MAPRE2: variants seen among roughly 807,000 people sequenced by gnomAD.
MAPRE2 encodes microtubule-associated protein RP/EB family member 2.
A neutral mutation model predicts 43.2 loss-of-function variants in MAPRE2; 13 were observed. The observed-to-expected ratio is 0.30, with a 90% CI of 0.20 to 0.48. The LOEUF is 0.48. Ranked by LOEUF, MAPRE2 falls within the 20% of genes least tolerant of loss-of-function variation. The pLI is 0.99. For synonymous variants in MAPRE2, 135 were observed against 148.8 expected, an observed-to-expected ratio of 0.91 and a Z score of 0.68; for missense variants, 161 against 400.2, an observed-to-expected ratio of 0.40 and a Z score of 5.10.
chr18:35,014,587 G>A (rs1007328427), intron 2 of MAPRE2, among the ~76,000 whole-genome samples: 6 of 152,024 alleles, frequency 3.9e-5, no homozygotes, highest in African/African-American at 1.4e-4. Context: ...TGGGTTAAGA[G>A]TTGCAAATTG....
intron 1 of MAPRE2, among the ~76,000 whole-genome samples, chr18:35,004,544 A>G (rs2097030852): frequency 6.6e-6 from 1 of 152,220 alleles, no homozygotes; most frequent in Non-Finnish European, 1.5e-5. Context: ...CCAGAATTGG[A>G]TTTGTCCCTC....
At chr18:35,074,405 A>G (rs1907246345) in intron 2 of MAPRE2, among the ~76,000 whole-genome samples, 1 of 152,164 alleles carries the variant, frequency 6.6e-6, no homozygotes, top group South Asian at 2.1e-4. Flanking sequence ...AAGCTTTAGC[A>G]ACTTTAGATA....
At chr18:35,128,609 G>A (rs983781476) in intron 5 of MAPRE2, among the ~76,000 whole-genome samples, 6 of 152,146 alleles carry the variant, frequency 3.9e-5, no homozygotes, top group African/African-American at 9.7e-5. Context: ...ATGCAAATAC[G>A]ATGCCATCTT....
At chr18:35,011,683 G>A (rs1218334748) in intron 2 of MAPRE2, among the ~76,000 whole-genome samples, 1 of 152,174 alleles carries the variant, frequency 6.6e-6, no homozygotes, top group Non-Finnish European at 1.5e-5. Flanking sequence ...GGCTATAGTG[G>A]TGACAGCTGG....
chr18:35,101,034 C>T (rs190723919), intron 3 of MAPRE2, among the ~76,000 whole-genome samples: 3 of 152,224 alleles, frequency 2.0e-5, no homozygotes, highest in Non-Finnish European at 4.4e-5. Flanking sequence ...AGTGAAACTC[C>T]GTCTCAAAAT....
At position 35,141,791 on chromosome 18, in the gene MAPRE2, C is replaced by T. The variant is rs2144271187; in HGVS notation, c.*1422C>T. 1.3e-5 allele frequency: 2 copies of T among 152,198 alleles called. No individual in the cohort carries two copies. Among genetic ancestry groups the T allele is most frequent in the South Asian group, 4.2e-4 (2 of 4,812 alleles). 9.4% of individuals were successfully genotyped at this position (152,198 alleles called of 1,614,324 possible). A position where few individuals can be genotyped will look rare whatever the true frequency, so the allele number is the denominator to read the frequency against. ...TAGCAGGTGCAACAAAAACAAGAAACAAATGTGCCCACCCCACTTTCCGCT... is the reference window on the plus strand; with the variant it reads ...TAGCAGGTGCAACAAAAACAAGAAATAAATGTGCCCACCCCACTTTCCGCT... On this transcript the variant is annotated 3_prime_UTR_variant, in exon 7 of 7. Transcript: ENST00000300249.
chr18:35,006,532 C>T (rs755591274), intron 2 of MAPRE2, among the ~76,000 whole-genome samples: 46 of 152,248 alleles, frequency 3.0e-4, no homozygotes, highest in Middle Eastern at 3.4e-3. Context: ...GACTGGTGGT[C>T]ACTTTTTAAA....
At chr18:34,996,864 CGGT>C (rs934530276) in intron 1 of MAPRE2, among the ~76,000 whole-genome samples, 1 of 152,028 alleles carries the variant, frequency 6.6e-6, no homozygotes, top group Non-Finnish European at 1.5e-5. Flanking sequence ...CATAAGAAAA[CGGT>C]AGAATAGATC....
At chr18:35,026,509 T>C (rs1438792891) in intron 2 of MAPRE2, among the ~76,000 whole-genome samples, 1 of 146,210 alleles carries the variant, frequency 6.8e-6, no homozygotes, top group African/African-American at 2.5e-5. Flanking sequence ...GAGATTTGAC[T>C]TTTTTTTTTT....
chr18:35,017,806 G>A (rs2097039406), intron 2 of MAPRE2, among the ~76,000 whole-genome samples: 1 of 151,330 alleles, frequency 6.6e-6, no homozygotes, highest in Non-Finnish European at 1.5e-5. Flanking sequence ...CTATTTGGAT[G>A]CCTTTTATTT....
chr18:34,985,338 A>ATATTATATTATATATTTT (rs1413375108), intron 1 of MAPRE2, among the ~76,000 whole-genome samples: 2 of 27,068 alleles, frequency 7.4e-5, no homozygotes, highest in African/African-American at 1.3e-4. Flanking sequence ...TATAATATAT[A>ATATTATATTATATATTTT]ATATATTATA....
intron 2 of MAPRE2, among the ~76,000 whole-genome samples, chr18:35,020,596 C>G (rs1335111614): frequency 6.6e-6 from 1 of 151,786 alleles, no homozygotes; most frequent in African/African-American, 2.4e-5. Flanking sequence ...CATTTGTATA[C>G]TGATATTATT....
At chr18:35,005,168 G>A (rs192004661) in intron 1 of MAPRE2, among the ~76,000 whole-genome samples, 19 of 152,174 alleles carry the variant, frequency 1.2e-4, no homozygotes, top group Admixed American at 3.3e-4. Context: ...CATGATTCCC[G>A]TCACATCAGA....
At chr18:35,001,022 G>A (rs958865096) in intron 1 of MAPRE2, among the ~76,000 whole-genome samples, 8 of 152,160 alleles carry the variant, frequency 5.3e-5, no homozygotes, top group African/African-American at 1.9e-4. Context: ...ATCCCAGGAG[G>A]TTGAGGGTGC....
At chr18:35,102,525 C>G (rs2038998690) in intron 4 of MAPRE2, among the ~76,000 whole-genome samples, 1 of 152,118 alleles carries the variant, frequency 6.6e-6, no homozygotes, top group Non-Finnish European at 1.5e-5. Context: ...GCAGTACAGA[C>G]CAGCATATGA....
intron 3 of MAPRE2, among the ~76,000 whole-genome samples, chr18:35,101,564 G>A (rs1376910694): frequency 6.6e-6 from 1 of 152,070 alleles, no homozygotes; most frequent in East Asian, 1.9e-4. Flanking sequence ...ACTAGTAACT[G>A]TCCTTCTACT....
intron 1 of MAPRE2, among the ~76,000 whole-genome samples, chr18:35,062,886 T>C (rs1906605480): frequency 6.6e-6 from 1 of 152,238 alleles, no homozygotes; most frequent in Non-Finnish European, 1.5e-5. Context: ...CGTTGTTTCA[T>C]TTATGTGAAA....
At chr18:35,005,359 T>C in intron 1 of MAPRE2, 1 of 529,406 alleles carries the variant, frequency 1.9e-6, no homozygotes, top group Non-Finnish European at 3.4e-6. Flanking sequence ...TTTTGGATAT[T>C]TGGCGTGTAT....
intron 1 of MAPRE2, among the ~76,000 whole-genome samples, chr18:34,981,394 A>G (rs914426111): frequency 6.6e-6 from 1 of 151,600 alleles, no homozygotes; most frequent in Non-Finnish European, 1.5e-5. Context: ...AAAAAAAAAG[A>G]CTAATCGGAT....
Sources: gnomAD v4.1 joint callset for allele counts (sites outside exome capture counted in the v4.1 genomes callset) on GRCh38, gnomAD v4.1.1 for gene constraint, MANE v1.5 for transcripts, NCBI Gene and HGNC (gene_info 2026-07-23, HGNC 2026-07-21) for gene names.